Variants in DCLK2 observed in about 807,000 individuals in gnomAD.
DCLK2 encodes the protein serine/threonine-protein kinase DCLK2.
Under a neutral mutation model 78.4 loss-of-function variants are expected in DCLK2, and 31 were observed. That is an observed-to-expected ratio of 0.40 (90% CI 0.30 to 0.53). The LOEUF is 0.53. Among genes scored for constraint, DCLK2 ranks in the 20% least tolerant of loss-of-function variants. The probability of loss-of-function intolerance (pLI) is 0.61; values close to 1 mark genes in which losing one functional copy is unlikely to be tolerated. For synonymous variants in DCLK2, 407 were observed against 374.9 expected (o/e 1.09, Z -0.99); for missense variants, 872 against 973.7 (o/e 0.90, Z 1.39).
intron 2 of DCLK2, among the ~76,000 whole-genome samples, chr4:150,112,723 T>G (rs1441710703): frequency 3.3e-5 from 5 of 152,106 alleles, no homozygotes; most frequent in Non-Finnish European, 5.9e-5. Context: ...GTTTATGTGA[T>G]GTATCTCATT....
chr4:150,163,535 G>T (rs1351023299), intron 2 of DCLK2, among the ~76,000 whole-genome samples: 1 of 152,160 alleles, frequency 6.6e-6, no homozygotes, highest in Non-Finnish European at 1.5e-5. Context: ...ACCCCATGGT[G>T]TGTGATTTCA....
intron 2 of DCLK2, among the ~76,000 whole-genome samples, chr4:150,142,288 G>A (rs1296644498): frequency 6.6e-6 from 1 of 152,160 alleles, no homozygotes; most frequent in East Asian, 1.9e-4. Context: ...GTCTTAGGTA[G>A]TGTCATCTGA....
intron 2 of DCLK2, among the ~76,000 whole-genome samples, chr4:150,185,713 C>CAAA (rs10706869): frequency 7.1e-6 from 1 of 141,290 alleles, no homozygotes. Flanking sequence ...GATTTCATCT[C>CAAA]AAAAAAAAAA....
chr4:150,189,049 C>T (rs1192945287), intron 2 of DCLK2, among the ~76,000 whole-genome samples: 2 of 151,858 alleles, frequency 1.3e-5, no homozygotes, highest in Non-Finnish European at 2.9e-5. Flanking sequence ...AATCAAATGC[C>T]AACTAATTTA....
chr4:150,107,357 TG>T (rs1731332129), intron 2 of DCLK2, among the ~76,000 whole-genome samples: 1 of 151,122 alleles, frequency 6.6e-6, no homozygotes, highest in African/African-American at 2.4e-5. Flanking sequence ...TGTCATGGTT[TG>T]TAGGGTTTTT....
intron 14 of DCLK2, among the ~76,000 whole-genome samples, chr4:150,249,277 G>T (rs1375290316): frequency 6.6e-6 from 1 of 152,150 alleles, no homozygotes; most frequent in Non-Finnish European, 1.5e-5. Flanking sequence ...GGTCTCAGTA[G>T]CCTAAAGTGT....
intron 11 of DCLK2, 23 bp downstream of exon 11, chr4:150,239,898 T>C (rs2126598553): frequency 6.4e-7 from 1 of 1,573,312 alleles, no homozygotes; most frequent in South Asian, 1.1e-5. Context: ...GTGGCCCTGG[T>C]TAGTACTTTA....
At chr4:150,186,205 T>G (rs923391521) in intron 2 of DCLK2, among the ~76,000 whole-genome samples, 14 of 152,200 alleles carry the variant, frequency 9.2e-5, no homozygotes, top group African/African-American at 3.4e-4. Context: ...TAAGAATGAT[T>G]CTGAGATGTT....
At chr4:150,234,269 G>A (rs1328926702) in intron 10 of DCLK2, among the ~76,000 whole-genome samples, 4 of 152,170 alleles carry the variant, frequency 2.6e-5, no homozygotes, top group East Asian at 3.8e-4. Flanking sequence ...CAGCCACCTC[G>A]GGTTTCTGCT....
intron 2 of DCLK2, among the ~76,000 whole-genome samples, chr4:150,165,541 C>G (rs1307646873): frequency 1.3e-5 from 2 of 152,220 alleles, no homozygotes; most frequent in Non-Finnish European, 2.9e-5. Flanking sequence ...CTTGAATACA[C>G]AATAAACATT....
At chr4:150,102,382 AG>A (rs1420408578) in intron 1 of DCLK2, 95 bp from the exon 2 acceptor site, 5 of 1,159,932 alleles carry the variant, frequency 4.3e-6, no homozygotes, top group Non-Finnish European at 6.1e-6. Flanking sequence ...ACTAAGGTTA[AG>A]GGTTCACTTA....
chr4:150,166,489 G>A (rs1440840081), intron 2 of DCLK2, among the ~76,000 whole-genome samples: 1 of 151,786 alleles, frequency 6.6e-6, no homozygotes, highest in Non-Finnish European at 1.5e-5. Context: ...GTGAGACCCT[G>A]TCTCAAAAAA....
intron 2 of DCLK2, among the ~76,000 whole-genome samples, chr4:150,107,378 G>GTTTTTTTTTT (rs201080236): frequency 1.6e-5 from 2 of 125,184 alleles, no homozygotes; most frequent in African/African-American, 6.3e-5. Flanking sequence ...TTTGGTTATT[G>GTTTTTTTTTT]TTTTTTTTTT....
chr4:150,144,482 G>A (rs2150218771), intron 2 of DCLK2, among the ~76,000 whole-genome samples: 1 of 152,264 alleles, frequency 6.6e-6, no homozygotes, highest in Non-Finnish European at 1.5e-5. Context: ...AGTTACTATA[G>A]TCTTGTGGTA....
rs927750165 is a variant in DCLK2, at chr4:150,168,407, A to T, written c.757-24731A>T. On this transcript the variant is annotated intron_variant, in intron 2 of 15. Transcript: ENST00000296550. ...GTGCACTTGATCTCTCAAGTCACCT[A>T]CTTAGCCCTCTTCCAAGTGTAAAGA... Among the ~76,000 whole-genome samples, 6 of 151,498 alleles carry T rather than the reference A, an allele frequency of 4.0e-5. No homozygotes were observed. The South Asian group carries it at 1.3e-3, about 32-fold the overall frequency.
chr4:150,249,364 G>A (rs1030877612), intron 14 of DCLK2, among the ~76,000 whole-genome samples: 5 of 151,982 alleles, frequency 3.3e-5, no homozygotes, highest in African/African-American at 1.2e-4. Flanking sequence ...GGAATGGTGT[G>A]GGGTCTTTCT....
intron 5 of DCLK2, among the ~76,000 whole-genome samples, chr4:150,205,487 T>C (rs938520475): frequency 4.6e-5 from 7 of 152,214 alleles, no homozygotes; most frequent in African/African-American, 1.4e-4. Flanking sequence ...CTACCTGTAA[T>C]TACTGCAAGT....
At chr4:150,130,982 G>T (rs562547076) in intron 2 of DCLK2, among the ~76,000 whole-genome samples, 117 of 152,236 alleles carry the variant, frequency 7.7e-4, no homozygotes, top group Non-Finnish European at 1.6e-3. Context: ...TTGAACAAAT[G>T]GAAATATCAA....
At chr4:150,226,870 T>G (rs1741661377) in intron 8 of DCLK2, among the ~76,000 whole-genome samples, 1 of 152,206 alleles carries the variant, frequency 6.6e-6, no homozygotes, top group African/African-American at 2.4e-5. Context: ...AAAAATTATA[T>G]AGAGAATTTT....
Sources: allele counts gnomAD v4.1 joint callset (sites outside exome capture counted in the v4.1 genomes callset), GRCh38; gene constraint gnomAD v4.1.1; transcripts MANE v1.5; gene names NCBI Gene and HGNC (gene_info 2026-07-23, HGNC 2026-07-21).